Variants in SNX29 observed in about 807,000 individuals in gnomAD.
SNX29 encodes the protein sorting nexin 29, also known as sorting nexin-29.
A neutral mutation model predicts 102.1 loss-of-function variants in SNX29; 78 were observed. The ratio of observed to expected loss-of-function variants is 0.76; its 90% CI spans 0.64 to 0.92. The LOEUF (loss-of-function observed/expected upper bound fraction) is 0.92. Among genes scored for constraint, SNX29 ranks in the 40% least tolerant of loss-of-function variants. The pLI, the probability that SNX29 is intolerant of heterozygous loss-of-function variation, is 0.00. For synonymous variants in SNX29, 580 were observed against 414.5 expected (o/e 1.40, Z -4.85); for missense variants, 1,280 against 1,061.7 (o/e 1.21, Z -2.86).
chr16:12,123,657 C>T (rs2054078043), intron 11 of SNX29, among the ~76,000 whole-genome samples: 1 of 152,164 alleles, frequency 6.6e-6, no homozygotes, highest in South Asian at 2.1e-4. Context: ...TGGGTACAGC[C>T]AGCGGCCCCA....
intron 15 of SNX29, among the ~76,000 whole-genome samples, chr16:12,342,417 A>G (rs1311674675): frequency 6.6e-6 from 1 of 152,056 alleles, no homozygotes; most frequent in Admixed American, 6.5e-5. Context: ...GTGTAGAAAC[A>G]ATGGCTGCCC....
chr16:12,449,138 T>C (rs1293286645), intron 18 of SNX29, among the ~76,000 whole-genome samples: 2 of 151,934 alleles, frequency 1.3e-5, no homozygotes, highest in Non-Finnish European at 2.9e-5. Flanking sequence ...TTGGGGTGGT[T>C]AGGGAAGGCA....
At chr16:12,309,551 CTT>C (rs2080461696) in intron 15 of SNX29, among the ~76,000 whole-genome samples, 1 of 152,144 alleles carries the variant, frequency 6.6e-6, no homozygotes, top group Non-Finnish European at 1.5e-5. Flanking sequence ...CTTGTCCACT[CTT>C]TGACGGCAGA....
chr16:12,178,679 G>C (rs929056895), intron 13 of SNX29, among the ~76,000 whole-genome samples: 2 of 152,154 alleles, frequency 1.3e-5, no homozygotes, highest in Non-Finnish European at 2.9e-5. Context: ...CTCTGTTATC[G>C]TGCATACGCA....
intron 18 of SNX29, among the ~76,000 whole-genome samples, chr16:12,433,552 A>G (rs1483065760): frequency 6.8e-6 from 1 of 147,990 alleles, no homozygotes; most frequent in African/African-American, 2.5e-5. Context: ...AATCGCTTGA[A>G]CCCGGGAGGT....
chr16:12,398,429 C>G lies in SNX29; in HGVS notation c.1900-17C>G, dbSNP rs747454324. 5.6e-6 allele frequency: 9 copies of G among 1,613,778 alleles called. No homozygotes were observed. The Admixed American group carries it at 6.7e-5, about 12-fold the overall frequency. On this transcript the variant is annotated splice_polypyrimidine_tract_variant and intron_variant, in intron 16 of 20. Coordinates refer to ENST00000566228, the MANE Select transcript of SNX29 (RefSeq NM_032167.5). ...TTATGCATTTTTTCTCCCCTCTCCC[C>G]CTTCTCCTGATGGTAGGTGCCTGGA...
At chr16:12,086,769 A>ATT (rs1567194204) in intron 11 of SNX29, 1 of 152,090 alleles carries the variant, frequency 6.6e-6, no homozygotes, top group East Asian at 1.9e-4. Flanking sequence ...TAATTTAACT[A>ATT]TTGTCATTTT....
At chr16:12,466,808 C>T (rs371623384) in intron 18 of SNX29, among the ~76,000 whole-genome samples, 7 of 152,078 alleles carry the variant, frequency 4.6e-5, no homozygotes, top group South Asian at 2.1e-4. Context: ...CGGTGGGCTC[C>T]GAGGGGATTG....
At chr16:12,093,333 C>T (rs561167478) in intron 11 of SNX29, among the ~76,000 whole-genome samples, 6 of 152,282 alleles carry the variant, frequency 3.9e-5, no homozygotes, top group South Asian at 2.1e-4. Flanking sequence ...TGTGTGGCTA[C>T]GTGCAGTGGT....
At chr16:12,163,827 C>T (rs1173920786) in intron 13 of SNX29, among the ~76,000 whole-genome samples, 3 of 152,070 alleles carry the variant, frequency 2.0e-5, no homozygotes, top group Admixed American at 6.5e-5. Context: ...CTGGCTTGCT[C>T]GATGGTGGTA....
intron 10 of SNX29, among the ~76,000 whole-genome samples, chr16:12,074,098 A>G (rs1392425278): frequency 6.6e-6 from 1 of 151,754 alleles, no homozygotes; most frequent in Admixed American, 6.6e-5. Context: ...AATACAGCAC[A>G]CTGATGGGTC....
At position 12,573,143 on chromosome 16, in the gene SNX29, G is replaced by A. The variant is rs1260991186; in HGVS notation, c.*4514G>A. The A allele has an allele frequency of 1.8e-5, 4 of 226,454 alleles. No individual in the cohort carries two copies. Among genetic ancestry groups the A allele is most frequent in the African/African-American group, 8.9e-5 (4 of 44,936 alleles). The allele number at this position is 226,454 out of a possible 1,614,324, so 14.0% of individuals were successfully genotyped here. A position where few individuals can be genotyped will look rare whatever the true frequency, so the allele number is the denominator to read the frequency against. On this transcript the variant is annotated 3_prime_UTR_variant, in exon 21 of 21. Transcript: ENST00000566228. ...ATCTTGATCTTGTTTCCAAAATAAA[G>A]CTTCAGCTCCTTGGTCAATAGAAGT...
chr16:12,170,398 G>A (rs887011584), intron 13 of SNX29, among the ~76,000 whole-genome samples: 48 of 152,148 alleles, frequency 3.2e-4, no homozygotes, highest in Middle Eastern at 6.8e-3. Context: ...GACCCATGGA[G>A]CAAAGCCAGC....
At chr16:12,237,000 C>G (rs914486702) in intron 14 of SNX29, among the ~76,000 whole-genome samples, 1 of 152,194 alleles carries the variant, frequency 6.6e-6, no homozygotes. Context: ...AAGGTTGGTG[C>G]AGGCTTGGAC....
At chr16:12,525,068 C>G (rs1364131411) in intron 20 of SNX29, among the ~76,000 whole-genome samples, 4 of 152,138 alleles carry the variant, frequency 2.6e-5, no homozygotes, top group African/African-American at 9.7e-5. Context: ...GCATTGTTGA[C>G]TTGAGGCTCA....
intron 9 of SNX29, among the ~76,000 whole-genome samples, chr16:12,061,973 G>T (rs932812202): frequency 2.0e-5 from 3 of 152,140 alleles, no homozygotes; most frequent in African/African-American, 7.2e-5. Context: ...CACAAATAGT[G>T]ACCACGATTT....
At chr16:12,305,163 G>T (rs376551161) in intron 15 of SNX29, among the ~76,000 whole-genome samples, 1 of 152,210 alleles carries the variant, frequency 6.6e-6, no homozygotes, top group Admixed American at 6.5e-5. Context: ...GTCTGTGCAT[G>T]CAGTCTGTGT....
At chr16:12,483,977 C>T (rs1340664152) in intron 19 of SNX29, among the ~76,000 whole-genome samples, 6 of 152,196 alleles carry the variant, frequency 3.9e-5, no homozygotes, top group South Asian at 2.1e-4. Context: ...GCTCTAATGA[C>T]GCAAGCTGGG....
In SNX29 at chr16:12,096,536, G is replaced by T. The variant is rs1233171032; in HGVS notation, c.1402+17621G>T. On this transcript the variant is annotated intron_variant, in intron 11 of 20. Coordinates refer to ENST00000566228, the MANE Select transcript of SNX29 (RefSeq NM_032167.5). The surrounding 1 kb of genome is among the most constrained non-coding windows in gnomAD (Gnocchi z 4.2). The stretch of plus-strand genomic sequence containing the variant: ...AGAGAGTGCTTTGACATTGCGCTCA[G>T]CACTCAGGAGATGTTAGCTCTTCTC... Among the ~76,000 whole-genome samples, 1 of 152,204 alleles carries T rather than the reference G, an allele frequency of 6.6e-6. No homozygotes were observed. Among genetic ancestry groups the T allele is most frequent in the Admixed American group, 6.5e-5 (1 of 15,288 alleles).
Sources: allele counts gnomAD v4.1 joint callset (sites outside exome capture counted in the v4.1 genomes callset), GRCh38; gene constraint gnomAD v4.1.1; non-coding constraint Gnocchi (gnomAD v3.1); transcripts MANE v1.5; gene names NCBI Gene and HGNC (gene_info 2026-07-23, HGNC 2026-07-21).